ERBB4: variants seen among roughly 807,000 people sequenced by gnomAD.
ERBB4 encodes the protein erb-b2 receptor tyrosine kinase 4, also known as receptor tyrosine-protein kinase erbB-4.
ERBB4 carries 42 observed loss-of-function variants against 158.0 expected under a neutral mutation model. The observed-to-expected ratio is 0.27, with a 90% CI of 0.21 to 0.34. The LOEUF is 0.34. Ranked by LOEUF, ERBB4 falls within the 10% of genes least tolerant of loss-of-function variation. ERBB4 has a pLI of 1.00. For missense variants in ERBB4, 1,333 were observed against 1,624.1 expected (o/e 0.82, Z 3.08); for synonymous variants, 583 against 558.7 (o/e 1.04, Z -0.61).
intron 20 of ERBB4, among the ~76,000 whole-genome samples, chr2:211,502,008 G>A (rs916433437): frequency 2.0e-5 from 3 of 152,016 alleles, no homozygotes; most frequent in Non-Finnish European, 2.9e-5. Flanking sequence ...TCTTAGTATC[G>A]ATAACAGCTA....
chr2:211,575,236 A>G (rs1262429733), intron 19 of ERBB4, among the ~76,000 whole-genome samples: 2 of 152,198 alleles, frequency 1.3e-5, no homozygotes, highest in African/African-American at 4.8e-5. Flanking sequence ...GGCATGATCA[A>G]TATAAGATTA....
chr2:212,538,573 A>G lies in ERBB4; in HGVS notation c.-43T>C. The G allele has an allele frequency of 6.4e-7, 1 of 1,564,488 alleles. No individual in the cohort carries two copies. ...TCCCGTGCTGACAATTACATGTCCA[A>G]ATGGCATATCCCCCTTTCGGGCACG... On this transcript the variant is annotated 5_prime_UTR_variant, in exon 1 of 28. Coordinates refer to ENST00000342788, the MANE Select transcript of ERBB4 (RefSeq NM_005235.3).
At position 211,966,555 on chromosome 2, in the gene ERBB4, C is replaced by T. The variant is rs541483473; in HGVS notation, c.235-18939G>A. ...GCACCCGGACTTAAATTTGTTTAAA[C>T]CCTAAAATGAAAAAGATTAACTATC... On this transcript the variant is annotated intron_variant, in intron 2 of 27. Transcript: ENST00000342788. 2.2e-4 allele frequency among the ~76,000 whole-genome samples: 33 copies of T among 152,150 alleles called. 1 individual carries two copies. The highest frequency in any genetic ancestry group is 7.5e-4 in the African/African-American group (31 of 41,524).
chr2:211,498,793 G>A (rs924683793), intron 20 of ERBB4, among the ~76,000 whole-genome samples: 2 of 152,158 alleles, frequency 1.3e-5, no homozygotes, highest in Non-Finnish European at 2.9e-5. Flanking sequence ...TGAAGGCTGA[G>A]AGACAGAAGC....
chr2:211,466,543 C>T (rs1317890420), intron 20 of ERBB4, among the ~76,000 whole-genome samples: 2 of 151,978 alleles, frequency 1.3e-5, no homozygotes, highest in South Asian at 2.1e-4. Context: ...TGATCTCCAA[C>T]AACATTGCAA....
intron 4 of ERBB4, among the ~76,000 whole-genome samples, chr2:211,780,485 T>A (rs1291384678): frequency 6.6e-6 from 1 of 152,168 alleles, no homozygotes; most frequent in Non-Finnish European, 1.5e-5. Flanking sequence ...GGCTAGCAGG[T>A]GTATTGTGCT....
chr2:212,424,632 A>G (rs1462787724), intron 1 of ERBB4, among the ~76,000 whole-genome samples: 1 of 152,162 alleles, frequency 6.6e-6, no homozygotes, highest in Admixed American at 6.6e-5. Flanking sequence ...GGAGCAATGA[A>G]TTGACCTCTA....
chr2:212,341,444 T>A (rs2088707931), intron 1 of ERBB4, among the ~76,000 whole-genome samples: 1 of 152,188 alleles, frequency 6.6e-6, no homozygotes, highest in Admixed American at 6.5e-5. Context: ...AGCTTCCTTT[T>A]ATTTTTCTTA....
At chr2:211,973,036 T>A (rs1428431246) in intron 2 of ERBB4, among the ~76,000 whole-genome samples, 1 of 152,108 alleles carries the variant, frequency 6.6e-6, no homozygotes, top group Admixed American at 6.6e-5. Context: ...AAAGGTCTAA[T>A]GTCCAGTATC....
intron 2 of ERBB4, among the ~76,000 whole-genome samples, chr2:211,972,653 G>T (rs2081486888): frequency 6.6e-6 from 1 of 152,154 alleles, no homozygotes; most frequent in African/African-American, 2.4e-5. Flanking sequence ...AAGCAATGGA[G>T]AAATGACTCC....
intron 1 of ERBB4, among the ~76,000 whole-genome samples, chr2:212,463,674 A>T (rs376663047): frequency 1.3e-5 from 2 of 152,224 alleles, no homozygotes; most frequent in East Asian, 3.9e-4. Flanking sequence ...TGGTAAAATG[A>T]TACGTTACAA....
At chr2:212,187,979 A>G (rs2082065428) in intron 1 of ERBB4, among the ~76,000 whole-genome samples, 1 of 152,106 alleles carries the variant, frequency 6.6e-6, no homozygotes, top group South Asian at 2.1e-4. Flanking sequence ...CAATCCTATA[A>G]TATTATTTGG....
rs112249908 is a variant in ERBB4, at chr2:211,831,014, A to T, written c.422-42855T>A. Among the ~76,000 whole-genome samples the T allele has an allele frequency of 1.9e-3, 283 of 152,210 alleles. 1 individual carries two copies. Among genetic ancestry groups the T allele is most frequent in the African/African-American group, 5.5e-3 (229 of 41,544 alleles). On this transcript the variant is annotated intron_variant, in intron 3 of 27. Transcript: ENST00000342788. ...TAAAATGTAGGTTAAAAAAATAATAAAAAAAAACCCAAGTCATAAAAGCTT... is the reference window on the plus strand; with the variant it reads ...TAAAATGTAGGTTAAAAAAATAATATAAAAAAACCCAAGTCATAAAAGCTT...
chr2:212,136,356 A>G (rs990157151), intron 1 of ERBB4, among the ~76,000 whole-genome samples: 1 of 152,188 alleles, frequency 6.6e-6, no homozygotes, highest in Non-Finnish European at 1.5e-5. Context: ...TGCAATAGGC[A>G]CTATCTAGGG....
At chr2:212,437,659 G>A (rs2092167646) in intron 1 of ERBB4, among the ~76,000 whole-genome samples, 1 of 151,990 alleles carries the variant, frequency 6.6e-6, no homozygotes, top group Non-Finnish European at 1.5e-5. Context: ...GGTCACAAAA[G>A]GAACTCCATA....
intron 3 of ERBB4, among the ~76,000 whole-genome samples, chr2:211,889,018 C>T (rs1267592741): frequency 6.9e-6 from 1 of 145,260 alleles, no homozygotes; most frequent in East Asian, 1.9e-4. Context: ...ACAAAGCAGC[C>T]AGGAAGCTCG....
chr2:212,002,902 T>TA (rs1366522805), intron 2 of ERBB4, among the ~76,000 whole-genome samples: 17 of 151,070 alleles, frequency 1.1e-4, no homozygotes, highest in Admixed American at 8.6e-4. Flanking sequence ...TTACTAAAAG[T>TA]AAAAAAATAT....
rs958319562 is a variant in ERBB4 at position 211,958,023 on chromosome 2, G to A, written c.235-10407C>T. Among the ~76,000 whole-genome samples the A allele has an allele frequency of 4.4e-4, 67 of 152,160 alleles. 1 individual carries two copies. The highest frequency in any genetic ancestry group is 1.4e-3 in the African/African-American group (59 of 41,544). Reference sequence around the variant, plus strand: ...TTAGAGGTGACTGATTCTGTGACTAGTCTGTTGTTATTTTTAAATGAAAAG... The same window carrying A: ...TTAGAGGTGACTGATTCTGTGACTAATCTGTTGTTATTTTTAAATGAAAAG... On this transcript the variant is annotated intron_variant, in intron 2 of 27. Coordinates refer to ENST00000342788, the MANE Select transcript of ERBB4 (RefSeq NM_005235.3).
At chr2:212,059,478 T>A in intron 2 of ERBB4, among the ~76,000 whole-genome samples, 1 of 152,194 alleles carries the variant, frequency 6.6e-6, no homozygotes, top group South Asian at 2.1e-4. Flanking sequence ...AGAGCCCACA[T>A]TGCCAAGACA....
Sources: gnomAD v4.1 joint callset for allele counts (sites outside exome capture counted in the v4.1 genomes callset) on GRCh38, gnomAD v4.1.1 for gene constraint, MANE v1.5 for transcripts, NCBI Gene and HGNC (gene_info 2026-07-23, HGNC 2026-07-21) for gene names.